The following AKAP19 variants were observed in gnomAD, a reference collection of about 807,000 sequenced individuals.
The protein encoded by AKAP19 is small A-kinase anchoring protein.
the AKAP19 span, among the ~76,000 whole-genome samples, chr2:190,015,166 A>T: frequency 6.6e-6 from 1 of 152,146 alleles, no homozygotes; most frequent in Non-Finnish European, 1.5e-5. Flanking sequence ...GGGGGCTCCA[A>T]ACCCACATTT....
the AKAP19 span, chr2:190,201,616 A>T: frequency 6.0e-6 from 1 of 167,086 alleles, no homozygotes; most frequent in African/African-American, 2.4e-5. Context: ...ACAATCAAAT[A>T]GAGTGAATTC....
the AKAP19 span, among the ~76,000 whole-genome samples, chr2:190,119,867 C>G: frequency 6.6e-6 from 1 of 152,044 alleles, no homozygotes; most frequent in South Asian, 2.1e-4. Flanking sequence ...AAATGAAATG[C>G]AAATTGAACA....
chr2:190,047,775 C>G, the AKAP19 span, among the ~76,000 whole-genome samples: 18,839 of 152,162 alleles, frequency 0.12, 1,463 homozygotes, highest in Middle Eastern at 0.24. Context: ...CTTTGAGAGG[C>G]TGAATGACAT....
the AKAP19 span, among the ~76,000 whole-genome samples, chr2:190,001,330 C>CA: frequency 2.0e-5 from 3 of 152,124 alleles, 1 homozygote; most frequent in Admixed American, 1.3e-4. Context: ...GTACCATACT[C>CA]AGTTTCTATT....
the AKAP19 span, among the ~76,000 whole-genome samples, chr2:190,091,465 A>T: frequency 1.3e-5 from 2 of 151,962 alleles, no homozygotes; most frequent in Non-Finnish European, 2.9e-5. Flanking sequence ...CCTACTTTTG[A>T]AAGTAAAGAA....
At chr2:190,082,940 A>T in the AKAP19 span, among the ~76,000 whole-genome samples, 4 of 152,218 alleles carry the variant, frequency 2.6e-5, no homozygotes, top group African/African-American at 7.2e-5. Context: ...AACACTTTTT[A>T]AATTGACAAG....
At chr2:190,016,511 A>C in the AKAP19 span, among the ~76,000 whole-genome samples, 2 of 152,184 alleles carry the variant, frequency 1.3e-5, no homozygotes, top group African/African-American at 4.8e-5. Context: ...ATTACAATTC[A>C]AGAGGAGATT....
At chr2:190,198,328 G>A in the AKAP19 span, among the ~76,000 whole-genome samples, 7 of 152,186 alleles carry the variant, frequency 4.6e-5, no homozygotes, top group Admixed American at 2.6e-4. Context: ...TTAGATGCAC[G>A]CAAGCTTTTG....
At chr2:189,912,359 G>C in the AKAP19 span, among the ~76,000 whole-genome samples, 1 of 152,074 alleles carries the variant, frequency 6.6e-6, no homozygotes, top group Non-Finnish European at 1.5e-5. Context: ...TGGCCAACAT[G>C]ACGAAACCCT....
the AKAP19 span, among the ~76,000 whole-genome samples, chr2:190,107,083 A>G: frequency 6.6e-6 from 1 of 152,208 alleles, no homozygotes; most frequent in Admixed American, 6.5e-5. Context: ...ATATGAAATA[A>G]TGCTCTTCTT....
chr2:190,057,778 G>A, the AKAP19 span: 11 of 860,628 alleles, frequency 1.3e-5, no homozygotes, highest in South Asian at 9.6e-5. Flanking sequence ...ACAGCATTAA[G>A]GAATGTTAAT....
the AKAP19 span, among the ~76,000 whole-genome samples, chr2:189,932,830 A>G: frequency 6.6e-6 from 1 of 152,114 alleles, no homozygotes; most frequent in Non-Finnish European, 1.5e-5. Flanking sequence ...CCTGGTAAAA[A>G]TGGGATTGTT....
the AKAP19 span, among the ~76,000 whole-genome samples, chr2:190,127,661 C>G: frequency 1.3e-5 from 2 of 151,984 alleles, no homozygotes; most frequent in Non-Finnish European, 2.9e-5. Context: ...TCAAACCATA[C>G]CAAGAAGGCA....
chr2:189,950,158 G>A, the AKAP19 span, among the ~76,000 whole-genome samples: 5,145 of 149,568 alleles, frequency 0.034, 276 homozygotes, highest in African/African-American at 0.12. Flanking sequence ...ATCCCAAGTA[G>A]CTGGGATTAC....
the AKAP19 span, among the ~76,000 whole-genome samples, chr2:189,907,075 T>C: frequency 6.6e-6 from 1 of 152,196 alleles, no homozygotes; most frequent in African/African-American, 2.4e-5. Flanking sequence ...CCACTTTTGC[T>C]TCCTTCTATT....
At chr2:189,974,737 G>A in the AKAP19 span, among the ~76,000 whole-genome samples, 1 of 152,114 alleles carries the variant, frequency 6.6e-6, no homozygotes, top group Non-Finnish European at 1.5e-5. Context: ...TTATGTAATG[G>A]TGTTCTTTGT....
At chr2:190,186,956 C>G in the AKAP19 span, among the ~76,000 whole-genome samples, 5,377 of 152,224 alleles carry the variant, frequency 0.035, 194 homozygotes, top group East Asian at 0.14. The surrounding 1 kb of genome is among the most constrained non-coding windows in gnomAD (Gnocchi z 5.5). Context: ...TCTTGTGCCT[C>G]TGTCTCCTGA....
At chr2:190,082,470 A>C in the AKAP19 span, among the ~76,000 whole-genome samples, 2 of 152,244 alleles carry the variant, frequency 1.3e-5, no homozygotes, top group Non-Finnish European at 1.5e-5. Context: ...TATAGTTAAT[A>C]GTATAGGATA....
the AKAP19 span, among the ~76,000 whole-genome samples, chr2:189,957,373 G>T: frequency 1.3e-5 from 2 of 151,978 alleles, no homozygotes; most frequent in East Asian, 1.9e-4. Flanking sequence ...CTTATATTTT[G>T]CAGATGTGTG....
Sources: allele counts gnomAD v4.1 joint callset (sites outside exome capture counted in the v4.1 genomes callset), GRCh38; gene constraint gnomAD v4.1.1; non-coding constraint Gnocchi (gnomAD v3.1); transcripts MANE v1.5; gene names NCBI Gene and HGNC (gene_info 2026-07-23, HGNC 2026-07-21).